Variants in NHSL1 observed in about 807,000 individuals in gnomAD.
The protein encoded by NHSL1 is NHS like 1, also known as NHS-like protein 1.
In NHSL1, 48 loss-of-function variants were observed where a neutral mutation model predicts 95.0. That is an observed-to-expected ratio of 0.51 (90% CI 0.40 to 0.64). The LOEUF is 0.64. Among genes scored for constraint, NHSL1 ranks in the 30% least tolerant of loss-of-function variants. NHSL1 has a pLI of 0.00. For missense variants in NHSL1, 1,971 were observed against 2,077.7 expected, an observed-to-expected ratio of 0.95 and a Z score of 1.00; for synonymous variants, 783 against 833.9, an observed-to-expected ratio of 0.94 and a Z score of 1.05.
rs1214271405 is a variant in NHSL1, at chr6:138,432,502, A to T, written c.1843T>A (p.Ser615Thr). 1.3e-6 allele frequency: 2 copies of T among 1,552,198 alleles called. No individual in the cohort carries two copies. The highest frequency in any genetic ancestry group is 1.7e-6 in the Non-Finnish European group (2 of 1,147,022). The part of the protein sequence containing the change: ...DGYCASVHTD[S>T]GHGSGNLCNS... ...CACAGATTCCCAGATCCATGTCCAG[A>T]GTCAGTGTGCACAGATGCACAGTAG... The change falls in exon 6 of 8, where the codon TCT (serine) becomes ACT (threonine). Residue 615 changes from serine (S) to threonine (T), a missense_variant. Ser to Thr is a moderately conservative substitution (Grantham distance 58). Transcript: ENST00000343505. This position sits in a 1 kb window ranked among gnomAD's most constrained non-coding sequence, Gnocchi z 4.4.
At chr6:138,441,850 GA>G in intron 5 of NHSL1, 132 bp downstream of exon 5, 1 of 761,724 alleles carries the variant, frequency 1.3e-6, no homozygotes, top group Non-Finnish European at 1.9e-6. Context: ...CCTCATTCAG[GA>G]AGGAAGCTGG....
intron 1 of NHSL1, among the ~76,000 whole-genome samples, chr6:138,533,416 G>A (rs553542096): frequency 3.9e-5 from 6 of 152,016 alleles, no homozygotes; most frequent in African/African-American, 1.4e-4. Context: ...TATAAAATTA[G>A]CCAGGCCTGT....
intron 1 of NHSL1, among the ~76,000 whole-genome samples, chr6:138,625,144 T>C (rs1234401308): frequency 6.6e-6 from 1 of 152,114 alleles, no homozygotes; most frequent in Non-Finnish European, 1.5e-5. Flanking sequence ...TGTTGCTTTG[T>C]TTTGCTTTGC....
intron 1 of NHSL1, among the ~76,000 whole-genome samples, chr6:138,566,961 G>A (rs1398942134): frequency 2.0e-5 from 3 of 152,072 alleles, no homozygotes; most frequent in Non-Finnish European, 2.9e-5. Flanking sequence ...CTATTTTTCC[G>A]ATATATGTAG....
chr6:138,497,954 G>A (rs1305157235), intron 1 of NHSL1, among the ~76,000 whole-genome samples: 1 of 152,194 alleles, frequency 6.6e-6, no homozygotes, highest in East Asian at 1.9e-4. Flanking sequence ...CTTAGTATTT[G>A]ACAAAAGCAG....
At chr6:138,687,944 T>TAAATTGTAC (rs1481780191) in intron 1 of NHSL1, among the ~76,000 whole-genome samples, 1 of 152,140 alleles carries the variant, frequency 6.6e-6, no homozygotes, top group Non-Finnish European at 1.5e-5. Flanking sequence ...TAAAAACCCC[T>TAAATTGTAC]AAATTGTACA....
chr6:138,546,448 A>AAAAAAAAAAAAAAC (rs1562362745), upstream of NHSL1, among the ~76,000 whole-genome samples: 7 of 142,012 alleles, frequency 4.9e-5, no homozygotes, highest in African/African-American at 1.8e-4. Context: ...AAAAAAAAAA[A>AAAAAAAAAAAAAAC]AAAAAAAAAA....
At chr6:138,479,509 G>A (rs4896364) in intron 2 of NHSL1, among the ~76,000 whole-genome samples, 8,318 of 152,256 alleles carry the variant, frequency 0.055, 644 homozygotes, top group East Asian at 0.29. Flanking sequence ...GCGTGGATCC[G>A]ATGGACAAAG....
Position 138,430,802 on chromosome 6 carries a change from G to A in NHSL1, c.3543C>T (p.Thr1181=). 6.4e-7 allele frequency: 1 copy of A among 1,551,340 alleles called. No individual in the cohort carries two copies. The highest frequency in any genetic ancestry group is 1.2e-5 in the South Asian group (1 of 84,052). The stretch of plus-strand genomic sequence containing the variant: ...TGCTGGGTGAAGAGTCTGGGAGTGG[G>A]GTGGTGCTGGGGCTGGGCCGAGCCT... ...EAEARPSPST[T]PLPDSSPSRK... is the part of the protein sequence containing the mutation. The change falls in exon 6 of 8, where the codon ACC becomes ACT. Residue 1181 remains threonine, a synonymous_variant. Transcript: ENST00000343505. The surrounding 1 kb of genome is among the most constrained non-coding windows in gnomAD (Gnocchi z 4.7).
chr6:138,615,628 G>A (rs1186467717), intron 1 of NHSL1, among the ~76,000 whole-genome samples: 3 of 152,198 alleles, frequency 2.0e-5, no homozygotes, highest in East Asian at 3.9e-4. Context: ...ATGCCACCAT[G>A]CCTGGCTAAT....
upstream of NHSL1, among the ~76,000 whole-genome samples, chr6:138,501,471 AGG>A (rs1308945998): frequency 6.6e-6 from 1 of 152,210 alleles, no homozygotes; most frequent in Non-Finnish European, 1.5e-5. Flanking sequence ...CGTAGGAGTC[AGG>A]GTGGTCCTCG....
rs1336243219 is a variant in NHSL1, at chr6:138,638,732, G to T, written c.96+53744C>A. Among the ~76,000 whole-genome samples the T allele has an allele frequency of 4.6e-5, 7 of 152,176 alleles. No homozygotes were observed. The East Asian group carries it at 1.3e-3, about 29-fold the overall frequency. ...CATCTTTCCTCAGAAAGCCCGCATA[G>T]GAGCTTTCATTGCACTAACTTCCAA... On this transcript the variant is annotated intron_variant, in intron 1 of 3. Coordinates refer to the NHSL1 transcript ENST00000491526.
intron 1 of NHSL1, among the ~76,000 whole-genome samples, chr6:138,505,818 C>T (rs1780932145): frequency 6.6e-6 from 1 of 152,090 alleles, no homozygotes; most frequent in Non-Finnish European, 1.5e-5. Flanking sequence ...AGGAATTTAG[C>T]TCTTCAAACA....
At chr6:138,685,732 T>G (rs894681298) in intron 1 of NHSL1, among the ~76,000 whole-genome samples, 1 of 151,796 alleles carries the variant, frequency 6.6e-6, no homozygotes, top group Non-Finnish European at 1.5e-5. Flanking sequence ...GTCCATAGAG[T>G]CATGAAGAGT....
rs148447256 is a variant in NHSL1 at position 138,630,912 on chromosome 6, G to T, written c.96+61564C>A. ...GCAACTTCATAAGAACCAAAAATTG[G>T]GTGAGCACCCACAGTACCTGGTTTT... On this transcript the variant is annotated intron_variant, in intron 1 of 3. Transcript: ENST00000491526. Among the ~76,000 whole-genome samples the T allele has an allele frequency of 2.8e-4, 42 of 152,192 alleles. No individual in the cohort carries two copies. The East Asian group carries it at 7.7e-3, about 28-fold the overall frequency.
upstream of NHSL1, among the ~76,000 whole-genome samples, chr6:138,504,075 C>CA (rs68018715): frequency 3.5e-4 from 45 of 129,850 alleles, no homozygotes; most frequent in African/African-American, 9.3e-4. Context: ...CCCAAAAATA[C>CA]AAAAAAAATA....
At chr6:138,438,291 C>T (rs1289470432) in intron 5 of NHSL1, among the ~76,000 whole-genome samples, 2 of 152,192 alleles carry the variant, frequency 1.3e-5, no homozygotes, top group Non-Finnish European at 2.9e-5. Flanking sequence ...AAGATGACAA[C>T]TGTCTGTAGG....
chr6:138,432,865 ACAGTGCGGGTTCAC>A lies in NHSL1; in HGVS notation c.1466_1479del (p.Gly489ValfsTer5). ...GGGACGGCTGAGTCACAGAGGGACA[ACAGTGCGGGTTCAC>A]CAGGGGAATGAGGGTCTAAGTCCTG... On this transcript the variant is annotated frameshift_variant, in exon 6 of 8. Coordinates refer to ENST00000343505, the MANE Select transcript of NHSL1 (RefSeq NM_001144060.2). LOFTEE classifies it high-confidence loss of function. This position sits in a 1 kb window ranked among gnomAD's most constrained non-coding sequence, Gnocchi z 4.4. The A allele has an allele frequency of 6.4e-7, 1 of 1,551,606 alleles. No homozygotes were observed. Among genetic ancestry groups the A allele is most frequent in the East Asian group, 2.4e-5 (1 of 40,910 alleles).
At chr6:138,512,999 C>T (rs1238101570) in intron 1 of NHSL1, among the ~76,000 whole-genome samples, 2 of 152,196 alleles carry the variant, frequency 1.3e-5, no homozygotes, top group Non-Finnish European at 2.9e-5. Context: ...TTACCCAGAC[C>T]TAAACTAACA....
Sources: gnomAD v4.1 joint callset for allele counts (sites outside exome capture counted in the v4.1 genomes callset) on GRCh38, gnomAD v4.1.1 for gene constraint, Gnocchi (gnomAD v3.1) non-coding constraint, MANE v1.5 for transcripts, NCBI Gene and HGNC (gene_info 2026-07-23, HGNC 2026-07-21) for gene names.